NETO2: variants seen among roughly 807,000 people sequenced by gnomAD.
NETO2 encodes neuropilin and tolloid-like protein 2.
A neutral mutation model predicts 62.5 loss-of-function variants in NETO2; 28 were observed. The observed-to-expected ratio is 0.45, with a 90% CI of 0.33 to 0.61. NETO2 has a LOEUF of 0.61. NETO2 is among the 20% of genes least tolerant of loss of function. NETO2 has a pLI of 0.02. For synonymous variants in NETO2, 214 were observed against 219.1 expected (o/e 0.98, Z 0.21); for missense variants, 548 against 643.2 (o/e 0.85, Z 1.60).
intron 1 of NETO2, among the ~76,000 whole-genome samples, chr16:47,136,650 C>T (rs1964366177): frequency 6.6e-6 from 1 of 152,084 alleles, no homozygotes; most frequent in African/African-American, 2.4e-5. Context: ...AAATGATCTG[C>T]CCGCCTCAGC....
At chr16:47,104,329 G>T (rs1963623123) in intron 7 of NETO2, among the ~76,000 whole-genome samples, 2 of 152,274 alleles carry the variant, frequency 1.3e-5, no homozygotes, top group South Asian at 4.1e-4. Flanking sequence ...AACTAAGGGG[G>T]CAAAACATTT....
intron 6 of NETO2, among the ~76,000 whole-genome samples, chr16:47,116,064 C>T (rs978390861): frequency 2.0e-5 from 3 of 151,400 alleles, no homozygotes; most frequent in African/African-American, 7.3e-5. Flanking sequence ...TTGAATAGGA[C>T]TTAGCTTGCT....
At chr16:47,125,623 G>A (rs1014873607) in intron 4 of NETO2, among the ~76,000 whole-genome samples, 1 of 152,158 alleles carries the variant, frequency 6.6e-6, no homozygotes, top group Non-Finnish European at 1.5e-5. Flanking sequence ...TGGGATTACA[G>A]GTGTAAGCCA....
At chr16:47,083,854 C>T in intron 8 of NETO2, 53 bp from the exon 9 acceptor site, 1 of 1,345,842 alleles carries the variant, frequency 7.4e-7, no homozygotes, top group Non-Finnish European at 1.0e-6. Flanking sequence ...TAATATGAAT[C>T]CTGGTACAAA....
At chr16:47,140,234 T>C (rs1032382146) in intron 1 of NETO2, among the ~76,000 whole-genome samples, 2 of 152,164 alleles carry the variant, frequency 1.3e-5, no homozygotes, top group African/African-American at 2.4e-5. Flanking sequence ...TTGGAAACCA[T>C]TGGATTAGAC....
intron 7 of NETO2, among the ~76,000 whole-genome samples, chr16:47,104,786 C>A (rs935998781): frequency 1.3e-5 from 2 of 152,126 alleles, no homozygotes; most frequent in African/African-American, 4.8e-5. Context: ...GTGGCACGAT[C>A]TCGGCTCGCT....
chr16:47,122,625 C>T, intron 6 of NETO2, 32 bp downstream of exon 6: 6 of 1,598,078 alleles, frequency 3.8e-6, no homozygotes, highest in Non-Finnish European at 5.1e-6. Flanking sequence ...TCATGATGTT[C>T]TTCTCTGAAG....
At chr16:47,111,538 T>G (rs562455415) in intron 6 of NETO2, among the ~76,000 whole-genome samples, 1 of 152,360 alleles carries the variant, frequency 6.6e-6, no homozygotes, top group East Asian at 1.9e-4. Context: ...ACTACTTTTC[T>G]TTTACTCCAG....
intron 7 of NETO2, among the ~76,000 whole-genome samples, chr16:47,088,897 A>AGATC (rs1963254179): frequency 6.6e-6 from 1 of 152,204 alleles, no homozygotes; most frequent in African/African-American, 2.4e-5. Flanking sequence ...AGGTACCTAG[A>AGATC]TAACTCCAAA....
chr16:47,123,381 C>T (rs184379718), intron 4 of NETO2, among the ~76,000 whole-genome samples: 35 of 152,174 alleles, frequency 2.3e-4, no homozygotes, highest in African/African-American at 7.9e-4. Context: ...TGGCTCATGC[C>T]TGTAGTGCCA....
intron 1 of NETO2, among the ~76,000 whole-genome samples, chr16:47,134,543 G>A (rs1258101277): frequency 6.6e-6 from 1 of 152,154 alleles, no homozygotes; most frequent in Non-Finnish European, 1.5e-5. Context: ...TATCTCATTA[G>A]TAGACACTAT....
chr16:47,107,662 A>G (rs889640514), intron 7 of NETO2, among the ~76,000 whole-genome samples: 5 of 152,250 alleles, frequency 3.3e-5, no homozygotes, highest in Non-Finnish European at 7.3e-5. Flanking sequence ...AAAGTAAGAA[A>G]ATAATTTAAA....
chr16:47,090,227 A>G (rs1963284368), intron 7 of NETO2, among the ~76,000 whole-genome samples: 3 of 152,194 alleles, frequency 2.0e-5, no homozygotes, highest in Non-Finnish European at 4.4e-5. Flanking sequence ...TTTATTATAA[A>G]TTCTTTACAA....
At chr16:47,119,775 A>T (rs1020452265) in intron 6 of NETO2, among the ~76,000 whole-genome samples, 4 of 152,216 alleles carry the variant, frequency 2.6e-5, no homozygotes, top group Non-Finnish European at 5.9e-5. Context: ...ATTACTAAGT[A>T]GTATATTATT....
intron 7 of NETO2, among the ~76,000 whole-genome samples, chr16:47,097,299 A>C (rs1249990686): frequency 6.6e-6 from 1 of 152,228 alleles, no homozygotes; most frequent in African/African-American, 2.4e-5. Flanking sequence ...CCAGCACAGC[A>C]GTCTGAAGTT....
At chr16:47,125,213 T>G (rs80114127) in intron 4 of NETO2, among the ~76,000 whole-genome samples, 1,941 of 152,340 alleles carry the variant, frequency 0.013, 20 homozygotes, top group Non-Finnish European at 0.022. Flanking sequence ...ATAAAATAGC[T>G]GACCAATTTA....
At chr16:47,132,100 G>A in intron 1 of NETO2, 75 bp from the exon 2 acceptor site, 4 of 1,118,462 alleles carry the variant, frequency 3.6e-6, no homozygotes, top group Admixed American at 2.0e-5. Context: ...AAATAAAATT[G>A]GATGACAAAA....
Position 47,082,137 on chromosome 16 carries a change from GCA to G in NETO2, c.*1082_*1083del, listed in dbSNP as rs1329900740. On this transcript the variant is annotated 3_prime_UTR_variant, in exon 9 of 9. Transcript: ENST00000562435. ...TTATACCATAAAAAAAGTCAAAAGTGCAGTTTAAAAAAAAGTGGAAGTTGTTA... is the reference window on the plus strand; with the variant it reads ...TTATACCATAAAAAAAGTCAAAAGTGGTTTAAAAAAAAGTGGAAGTTGTTA... The G allele has an allele frequency of 2.0e-5, 3 of 152,532 alleles. No individual in the cohort carries two copies. Among genetic ancestry groups the G allele is most frequent in the Non-Finnish European group, 4.4e-5 (3 of 68,006 alleles). The allele number at this position is 152,532 out of a possible 1,614,324, so 9.4% of individuals were successfully genotyped here.
intron 1 of NETO2, among the ~76,000 whole-genome samples, chr16:47,140,890 C>T (rs1485885815): frequency 2.0e-5 from 3 of 152,084 alleles, no homozygotes; most frequent in Non-Finnish European, 4.4e-5. Flanking sequence ...ATTGCTGAGT[C>T]GAACAGATTC....
Sources: allele counts gnomAD v4.1 joint callset (sites outside exome capture counted in the v4.1 genomes callset), GRCh38; gene constraint gnomAD v4.1.1; transcripts MANE v1.5; gene names NCBI Gene and HGNC (gene_info 2026-07-23, HGNC 2026-07-21).